The following NTM variants were observed in gnomAD, a reference collection of about 807,000 sequenced individuals.
The protein encoded by NTM is neurotrimin, also known as IgLON family member 2.
In NTM, 13 loss-of-function variants were observed where a neutral mutation model predicts 42.1. That is an observed-to-expected ratio of 0.31 (90% CI 0.20 to 0.49). The LOEUF (loss-of-function observed/expected upper bound fraction) is 0.49, where lower values mean the gene tolerates loss of function less well. Ranked by LOEUF, NTM falls within the 20% of genes least tolerant of loss-of-function variation. The probability of loss-of-function intolerance (pLI) is 0.99; values close to 1 mark genes in which losing one functional copy is unlikely to be tolerated. For missense variants in NTM, 373 were observed against 452.8 expected (o/e 0.82, Z 1.60); for synonymous variants, 187 against 179.2 (o/e 1.04, Z -0.35).
intron 4 of NTM, among the ~76,000 whole-genome samples, chr11:132,299,207 A>G (rs61906043): frequency 2.0e-5 from 3 of 152,172 alleles, no homozygotes; most frequent in Non-Finnish European, 4.4e-5. Flanking sequence ...AGGCAGGAGA[A>G]TATTGTGAAT....
intron 1 of NTM, among the ~76,000 whole-genome samples, chr11:131,803,609 C>A (rs148602245): frequency 1.3e-5 from 2 of 152,334 alleles, no homozygotes; most frequent in East Asian, 3.9e-4. Context: ...TGCGCCCGGC[C>A]ATCACTGACT....
At chr11:132,201,100 A>G (rs535128902) in intron 3 of NTM, among the ~76,000 whole-genome samples, 1 of 152,160 alleles carries the variant, frequency 6.6e-6, no homozygotes, top group African/African-American at 2.4e-5. Flanking sequence ...ACCCCTATTG[A>G]AAAGGTAGTG....
At chr11:131,818,657 C>T (rs139562369) in intron 1 of NTM, among the ~76,000 whole-genome samples, 1 of 152,268 alleles carries the variant, frequency 6.6e-6, no homozygotes, top group African/African-American at 2.4e-5. Flanking sequence ...TTCATTTAAT[C>T]ATTCACAGGA....
At chr11:132,324,685 GA>G (rs1379053239) in intron 7 of NTM, among the ~76,000 whole-genome samples, 2 of 124,752 alleles carry the variant, frequency 1.6e-5, no homozygotes, top group Admixed American at 1.5e-4. Context: ...AGTTCATACG[GA>G]ACCAAAAAAG....
At chr11:132,057,661 G>A (rs1286668507) in intron 2 of NTM, among the ~76,000 whole-genome samples, 3 of 152,002 alleles carry the variant, frequency 2.0e-5, no homozygotes, top group African/African-American at 4.8e-5. Flanking sequence ...TCTCTGGAGG[G>A]GACACTGCAG....
At chr11:132,315,295 A>T (rs1402539666) in intron 7 of NTM, among the ~76,000 whole-genome samples, 1 of 152,178 alleles carries the variant, frequency 6.6e-6, no homozygotes, top group Non-Finnish European at 1.5e-5. Flanking sequence ...TATCAGAAGA[A>T]AGTGAGCGAG....
intron 2 of NTM, among the ~76,000 whole-genome samples, chr11:131,964,658 G>A (rs910908207): frequency 3.3e-5 from 5 of 152,078 alleles, no homozygotes; most frequent in African/African-American, 1.2e-4. Context: ...AATCCTGTTA[G>A]GCATCATTGT....
intron 1 of NTM, among the ~76,000 whole-genome samples, chr11:131,495,788 A>G (rs546828188): frequency 3.3e-5 from 5 of 152,318 alleles, no homozygotes; most frequent in Admixed American, 2.0e-4. Context: ...CCCCAGGTTA[A>G]AGTCAGCTTC....
intron 1 of NTM, among the ~76,000 whole-genome samples, chr11:131,518,387 G>A (rs1234846913): frequency 6.6e-6 from 1 of 152,152 alleles, no homozygotes; most frequent in Non-Finnish European, 1.5e-5. Flanking sequence ...CACGTGGGCT[G>A]TAGTTCAGAA....
chr11:132,176,135 G>A (rs1054933304), intron 3 of NTM, among the ~76,000 whole-genome samples: 2 of 152,126 alleles, frequency 1.3e-5, no homozygotes, highest in African/African-American at 2.4e-5. Context: ...TTAGTTAAGT[G>A]TAACTGTATG....
chr11:131,428,145 C>T (rs749276251), intron 1 of NTM, among the ~76,000 whole-genome samples: 7 of 152,278 alleles, frequency 4.6e-5, no homozygotes, highest in Admixed American at 3.3e-4. Flanking sequence ...ATGTAGAAAA[C>T]GTTATTCTCA....
chr11:131,751,325 GCCACCGTGT>G (rs1565500404), intron 1 of NTM, among the ~76,000 whole-genome samples: 9 of 151,592 alleles, frequency 5.9e-5, no homozygotes, highest in Non-Finnish European at 1.3e-4. Context: ...GGTGGCTCAC[GCCACCGTGT>G]AATCCCAGCA....
intron 1 of NTM, among the ~76,000 whole-genome samples, chr11:131,468,140 T>C (rs1591756826): frequency 6.6e-6 from 1 of 152,196 alleles, no homozygotes; most frequent in African/African-American, 2.4e-5. Context: ...GGCTGGCAGG[T>C]GCACAGCCTG....
chr11:132,158,377 C>T (rs750739299), intron 3 of NTM, among the ~76,000 whole-genome samples: 1 of 152,366 alleles, frequency 6.6e-6, no homozygotes, highest in Admixed American at 6.5e-5. Flanking sequence ...GCCTTCTTCA[C>T]CACCTGCATA....
chr11:131,515,721 G>A (rs757559926), intron 1 of NTM, among the ~76,000 whole-genome samples: 16 of 152,194 alleles, frequency 1.1e-4, no homozygotes, highest in African/African-American at 2.7e-4. Context: ...CCCTAGGATC[G>A]GAGATTTTCT....
chr11:132,279,504 A>G (rs1384809073), intron 4 of NTM, among the ~76,000 whole-genome samples: 4 of 152,194 alleles, frequency 2.6e-5, no homozygotes. Flanking sequence ...TTCGCACTTA[A>G]TGCTCACCAG....
chr11:131,598,766 T>TTTTC (rs112299623), intron 1 of NTM, among the ~76,000 whole-genome samples: 6,052 of 33,768 alleles, frequency 0.18, 1,734 homozygotes, highest in African/African-American at 0.22. Flanking sequence ...TTCTTTCTTT[T>TTTTC]TTTCTTTCTT....
intron 1 of NTM, among the ~76,000 whole-genome samples, chr11:131,766,581 C>G (rs915406109): frequency 2.0e-5 from 3 of 152,138 alleles, no homozygotes; most frequent in African/African-American, 4.8e-5. Flanking sequence ...GCAGGCCCCC[C>G]CCTTCTGCTG....
chr11:131,479,540 C>G (rs1953322355), intron 1 of NTM, among the ~76,000 whole-genome samples: 1 of 152,144 alleles, frequency 6.6e-6, no homozygotes, highest in Admixed American at 6.5e-5. Flanking sequence ...TGCAGCCAGA[C>G]TAAAATTTGG....
Sources: allele counts gnomAD v4.1 joint callset (sites outside exome capture counted in the v4.1 genomes callset), GRCh38; gene constraint gnomAD v4.1.1; transcripts MANE v1.5; gene names NCBI Gene and HGNC (gene_info 2026-07-23, HGNC 2026-07-21).